Variants in TAF3 observed in about 807,000 individuals in gnomAD.
The protein encoded by TAF3 is TATA-box binding protein associated factor 3, also known as transcription initiation factor TFIID subunit 3.
In TAF3, 7 loss-of-function variants were observed where a neutral mutation model predicts 80.6. That is an observed-to-expected ratio of 0.09 (90% CI 0.05 to 0.16). The LOEUF is 0.16. Ranked by LOEUF, TAF3 falls within the 10% of genes least tolerant of loss-of-function variation. The pLI is 1.00. For synonymous variants in TAF3, 444 were observed against 446.1 expected, an observed-to-expected ratio of 1.00 and a Z score of 0.06; for missense variants, 921 against 1,140.2, an observed-to-expected ratio of 0.81 and a Z score of 2.77.
chr10:7,934,547 C>T lies in TAF3; in HGVS notation c.410-29373C>T, dbSNP rs533240608. Among the ~76,000 whole-genome samples the T allele has an allele frequency of 6.6e-5, 10 of 152,200 alleles. No homozygotes were observed. The South Asian group carries it at 8.3e-4, about 13-fold the overall frequency. ...GCAACCTTTGCTTTCCAAGTTCAAG[C>T]GATTCTCCTGCCTCAGCCTCCCAAG... On this transcript the variant is annotated intron_variant, in intron 2 of 6. Coordinates refer to ENST00000344293, the MANE Select transcript of TAF3 (RefSeq NM_031923.4).
At chr10:7,992,171 T>A (rs1831841843) in intron 4 of TAF3, among the ~76,000 whole-genome samples, 1 of 152,198 alleles carries the variant, frequency 6.6e-6, no homozygotes, top group African/African-American at 2.4e-5. Context: ...AAAAGCACCC[T>A]CTTGTTTGCT....
intron 2 of TAF3, among the ~76,000 whole-genome samples, chr10:7,880,395 T>C (rs1330838524): frequency 2.0e-5 from 3 of 152,218 alleles, no homozygotes; most frequent in Admixed American, 6.5e-5. Flanking sequence ...AGATTTAATA[T>C]ATTAGGTGGT....
chr10:7,847,799 G>T (rs545439206), intron 2 of TAF3, among the ~76,000 whole-genome samples: 1 of 151,866 alleles, frequency 6.6e-6, no homozygotes, highest in African/African-American at 2.4e-5. Context: ...CAAGAGTTTC[G>T]CTCTGTCTTC....
At chr10:7,894,279 C>T (rs749380231) in intron 2 of TAF3, among the ~76,000 whole-genome samples, 6 of 152,220 alleles carry the variant, frequency 3.9e-5, no homozygotes, top group African/African-American at 7.2e-5. Flanking sequence ...CAGGGACAGT[C>T]GGCCCTCAGG....
chr10:7,840,640 G>A (rs1440407469), intron 2 of TAF3, among the ~76,000 whole-genome samples: 5 of 151,926 alleles, frequency 3.3e-5, no homozygotes, highest in Non-Finnish European at 7.4e-5. Context: ...AGGGGAAGAC[G>A]GGAATATCAA....
intron 4 of TAF3, among the ~76,000 whole-genome samples, chr10:8,000,220 G>A (rs546995015): frequency 6.6e-6 from 1 of 151,992 alleles, no homozygotes; most frequent in South Asian, 2.1e-4. Context: ...GGGTTCAAGC[G>A]ATTCTCTAGC....
chr10:8,009,891 A>C lies in TAF3; in HGVS notation c.2568+561A>C, dbSNP rs2131441908. ...CCGCCTCGGCCTCCCAAAGTGTGGG[A>C]TTACAGGCATGAGCCACCGTGCCCG... is the stretch of plus-strand genomic sequence containing the variant. On this transcript the variant is annotated intron_variant, in intron 5 of 6. Coordinates refer to ENST00000344293, the MANE Select transcript of TAF3 (RefSeq NM_031923.4). The surrounding 1 kb of genome is among the most constrained non-coding windows in gnomAD (Gnocchi z 4.1). 6.6e-6 allele frequency among the ~76,000 whole-genome samples: 1 copy of C among 151,306 alleles called. No individual in the cohort carries two copies. Among genetic ancestry groups the C allele is most frequent in the Middle Eastern group, 3.5e-3 (1 of 288 alleles).
intron 2 of TAF3, among the ~76,000 whole-genome samples, chr10:7,874,470 A>G (rs1041585882): frequency 6.6e-6 from 1 of 152,152 alleles, no homozygotes; most frequent in African/African-American, 2.4e-5. Context: ...GTGGAAAAAA[A>G]GACCTTTTAT....
intron 2 of TAF3, among the ~76,000 whole-genome samples, chr10:7,837,535 C>T (rs1389613321): frequency 2.6e-5 from 4 of 152,142 alleles, no homozygotes; most frequent in African/African-American, 4.8e-5. Context: ...CTCATCTACT[C>T]GGGTGGCTGA....
chr10:7,903,390 G>A (rs747123043), intron 2 of TAF3, among the ~76,000 whole-genome samples: 1 of 152,200 alleles, frequency 6.6e-6, no homozygotes, highest in Non-Finnish European at 1.5e-5. Flanking sequence ...CAGGCTCACT[G>A]TGTACTTCCT....
intron 2 of TAF3, among the ~76,000 whole-genome samples, chr10:7,944,678 C>T (rs984554220): frequency 4.6e-5 from 7 of 152,140 alleles, no homozygotes; most frequent in Admixed American, 4.6e-4. Context: ...AGCTAATCCT[C>T]AAGTAATGGA....
intron 2 of TAF3, among the ~76,000 whole-genome samples, chr10:7,873,953 C>T (rs190225773): frequency 2.1e-4 from 32 of 152,214 alleles, no homozygotes; most frequent in Admixed American, 1.1e-3. Flanking sequence ...TGTTTCCCCT[C>T]GAGAGGCCAT....
rs1173446692 is a variant in TAF3, at chr10:7,954,695, C to T, written c.410-9225C>T. On this transcript the variant is annotated intron_variant, in intron 2 of 6. Transcript: ENST00000344293. ...TGGATTAGTCCTAGTTAACACAGAG[C>T]TCTCCCTAGTGAGATTCAGAGTGCA... 3.6e-5 allele frequency among the ~76,000 whole-genome samples: 5 copies of T among 139,628 alleles called. 1 individual carries two copies. The highest frequency in any genetic ancestry group is 1.6e-5 in the Non-Finnish European group (1 of 63,770). The allele number at this position is 139,628 out of a possible 152,430, so 91.6% of individuals were successfully genotyped here.
chr10:7,858,168 A>G (rs1364607030), intron 2 of TAF3, among the ~76,000 whole-genome samples: 1 of 152,194 alleles, frequency 6.6e-6, no homozygotes, highest in Non-Finnish European at 1.5e-5. Flanking sequence ...ATATATAATC[A>G]AAATAACGAT....
intron 2 of TAF3, among the ~76,000 whole-genome samples, chr10:7,921,006 T>C (rs1054393553): frequency 1.3e-5 from 2 of 152,190 alleles, no homozygotes; most frequent in Non-Finnish European, 2.9e-5. Flanking sequence ...AGTGGCGTTC[T>C]GTTTGAGGGA....
intron 2 of TAF3, among the ~76,000 whole-genome samples, chr10:7,854,236 A>G (rs574696590): frequency 1.3e-3 from 191 of 152,370 alleles, no homozygotes; most frequent in Non-Finnish European, 1.4e-3. Flanking sequence ...AGTACTGCAC[A>G]GGAATTCTGG....
At chr10:7,910,376 A>G (rs1440071903) in intron 2 of TAF3, among the ~76,000 whole-genome samples, 1 of 152,042 alleles carries the variant, frequency 6.6e-6, no homozygotes, top group Non-Finnish European at 1.5e-5. Flanking sequence ...TATAAATTTT[A>G]TTTTATTTTA....
intron 2 of TAF3, among the ~76,000 whole-genome samples, chr10:7,885,519 C>G (rs1325159646): frequency 1.3e-5 from 2 of 152,126 alleles, no homozygotes; most frequent in African/African-American, 4.8e-5. Flanking sequence ...CCCTCCTCAC[C>G]GAATCCTTTC....
chr10:7,989,092 G>A (rs1013770454), intron 4 of TAF3, among the ~76,000 whole-genome samples: 15 of 152,138 alleles, frequency 9.9e-5, no homozygotes, highest in Non-Finnish European at 1.9e-4. Context: ...TTCAAAGCAT[G>A]TGATCTACCA....
Sources: allele counts gnomAD v4.1 joint callset (sites outside exome capture counted in the v4.1 genomes callset), GRCh38; gene constraint gnomAD v4.1.1; non-coding constraint Gnocchi (gnomAD v3.1); transcripts MANE v1.5; gene names NCBI Gene and HGNC (gene_info 2026-07-23, HGNC 2026-07-21).